The following BABAM2 variants were observed in gnomAD, a reference collection of about 807,000 sequenced individuals.
BABAM2 encodes BRISC and BRCA1-A complex member 2.
A neutral mutation model predicts 54.7 loss-of-function variants in BABAM2; 31 were observed. That is an observed-to-expected ratio of 0.57 (90% CI 0.43 to 0.77). The LOEUF (loss-of-function observed/expected upper bound fraction) is 0.77. Ranked by LOEUF, BABAM2 falls within the 30% of genes least tolerant of loss-of-function variation. The pLI, the probability that BABAM2 is intolerant of heterozygous loss-of-function variation, is 0.00. For missense variants in BABAM2, 364 were observed against 455.8 expected (o/e 0.80, Z 1.83); for synonymous variants, 167 against 162.9 (o/e 1.03, Z -0.19).
At chr2:28,033,299 G>A (rs1432895469) in intron 5 of BABAM2, among the ~76,000 whole-genome samples, 1 of 151,990 alleles carries the variant, frequency 6.6e-6, no homozygotes, top group African/African-American at 2.4e-5. Context: ...TGTATCAGAA[G>A]AACCAGTGTG....
intron 2 of BABAM2, among the ~76,000 whole-genome samples, chr2:27,919,119 T>G (rs1408591277): frequency 6.6e-6 from 1 of 152,248 alleles, no homozygotes; most frequent in Non-Finnish European, 1.5e-5. Flanking sequence ...TCTATATATT[T>G]GATCATTTGA....
At chr2:28,220,935 T>C (rs148515177) in intron 7 of BABAM2, among the ~76,000 whole-genome samples, 248 of 152,132 alleles carry the variant, frequency 1.6e-3, no homozygotes, top group African/African-American at 5.7e-3. Context: ...AAAGAACAAC[T>C]ATACAAAATG....
intron 7 of BABAM2, among the ~76,000 whole-genome samples, chr2:28,227,000 G>A (rs932616606): frequency 1.3e-5 from 2 of 152,160 alleles, no homozygotes; most frequent in Non-Finnish European, 2.9e-5. Context: ...TTTGGGGGCA[G>A]GGTTGCTTGT....
chr2:28,042,290 A>T (rs1216667978), intron 5 of BABAM2, among the ~76,000 whole-genome samples: 1 of 152,192 alleles, frequency 6.6e-6, no homozygotes, highest in African/African-American at 2.4e-5. Context: ...ACAAGTTGGG[A>T]GTCATCAGCA....
At chr2:28,319,012 G>A (rs556340322) in intron 11 of BABAM2, among the ~76,000 whole-genome samples, 25 of 152,320 alleles carry the variant, frequency 1.6e-4, no homozygotes, top group African/African-American at 4.3e-4. Context: ...AACTCTAAGC[G>A]GTGGGGCAGT....
chr2:27,913,818 T>A lies in BABAM2; in HGVS notation c.129-16014T>A, dbSNP rs116279266. The stretch of plus-strand genomic sequence containing the variant: ...TTCTTAAAGCTGTAATGTAGTTATA[T>A]TTTCTAAGTTGAACGTCTTAAACAC... On this transcript the variant is annotated intron_variant, in intron 2 of 11. Coordinates refer to ENST00000379624, the MANE Select transcript of BABAM2 (RefSeq NM_199191.3). 6.8e-3 allele frequency among the ~76,000 whole-genome samples: 1,032 copies of A among 152,342 alleles called. 11 individuals carry two copies. The highest frequency in any genetic ancestry group is 0.024 in the African/African-American group (979 of 41,580).
At chr2:28,297,938 T>C (rs894690578) in intron 10 of BABAM2, among the ~76,000 whole-genome samples, 3 of 152,208 alleles carry the variant, frequency 2.0e-5, no homozygotes, top group African/African-American at 4.8e-5. Context: ...GTTTATGTTA[T>C]AATAGACACT....
intron 10 of BABAM2, among the ~76,000 whole-genome samples, chr2:28,280,391 A>G (rs925859680): frequency 2.0e-5 from 3 of 152,104 alleles, no homozygotes; most frequent in Admixed American, 2.0e-4. Context: ...TAAAAATCCC[A>G]CAGGTCATTC....
intron 4 of BABAM2, among the ~76,000 whole-genome samples, chr2:28,020,396 A>G (rs1675161020): frequency 6.6e-6 from 1 of 152,228 alleles, no homozygotes; most frequent in Non-Finnish European, 1.5e-5. Flanking sequence ...ATACATACAT[A>G]TGCATGTATA....
At chr2:28,057,495 ATT>A (rs558961492) in intron 6 of BABAM2, among the ~76,000 whole-genome samples, 1 of 145,308 alleles carries the variant, frequency 6.9e-6, no homozygotes, top group Admixed American at 6.9e-5. Flanking sequence ...ACAGGTGACC[ATT>A]TTTTTTTTTT....
chr2:28,181,792 T>A (rs536206822), intron 7 of BABAM2, among the ~76,000 whole-genome samples: 2,259 of 149,524 alleles, frequency 0.015, 29 homozygotes, highest in Non-Finnish European at 0.022. Flanking sequence ...AAATTTTTTT[T>A]TTAAAAAAAA....
intron 6 of BABAM2, among the ~76,000 whole-genome samples, chr2:28,079,085 A>G (rs1053646143): frequency 1.3e-5 from 2 of 152,188 alleles, no homozygotes; most frequent in African/African-American, 4.8e-5. Context: ...TTCTTTAGCA[A>G]CTTATTTTCT....
chr2:28,207,343 TA>T (rs11342724), intron 7 of BABAM2, among the ~76,000 whole-genome samples: 137,057 of 143,024 alleles, frequency 0.96, 65,803 homozygotes, highest in Middle Eastern at 1. Flanking sequence ...GTCTCTAGTT[TA>T]AAAAAAAAAA....
At chr2:28,015,934 T>C (rs1394778739) in intron 4 of BABAM2, 3 of 583,814 alleles carry the variant, frequency 5.1e-6, no homozygotes, top group Non-Finnish European at 9.3e-6. Context: ...AGGTTTATCT[T>C]CAGAATATAT....
chr2:27,925,881 G>C (rs1667664984), intron 2 of BABAM2, among the ~76,000 whole-genome samples: 1 of 152,188 alleles, frequency 6.6e-6, no homozygotes, highest in African/African-American at 2.4e-5. Flanking sequence ...ACAGAACACT[G>C]TCTCCTCACT....
chr2:28,242,482 G>C (rs940829619), intron 9 of BABAM2, among the ~76,000 whole-genome samples: 3 of 152,146 alleles, frequency 2.0e-5, no homozygotes, highest in African/African-American at 7.2e-5. Context: ...TTTTCCTCAC[G>C]ATCTTTAGAA....
intron 10 of BABAM2, among the ~76,000 whole-genome samples, chr2:28,274,303 A>G (rs1685687892): frequency 6.6e-6 from 1 of 152,202 alleles, no homozygotes; most frequent in African/African-American, 2.4e-5. Context: ...CCACCTGAAT[A>G]ACACTTGATC....
At chr2:28,247,444 T>C (rs2148087038) in intron 10 of BABAM2, among the ~76,000 whole-genome samples, 1 of 152,364 alleles carries the variant, frequency 6.6e-6, no homozygotes, top group South Asian at 2.1e-4. Flanking sequence ...TACCTTCCTT[T>C]GGAAGCATCT....
chr2:27,947,818 C>G (rs1402132180), intron 3 of BABAM2, among the ~76,000 whole-genome samples: 4 of 152,178 alleles, frequency 2.6e-5, no homozygotes, highest in Non-Finnish European at 4.4e-5. Context: ...TGGACATCCA[C>G]ATATTCTAGT....
Sources: gnomAD v4.1 joint callset for allele counts (sites outside exome capture counted in the v4.1 genomes callset) on GRCh38, gnomAD v4.1.1 for gene constraint, MANE v1.5 for transcripts, NCBI Gene and HGNC (gene_info 2026-07-23, HGNC 2026-07-21) for gene names.